The following SGIP1 variants were observed in gnomAD, a reference collection of about 807,000 sequenced individuals.
SGIP1 encodes SH3GL interacting endocytic adaptor 1.
In SGIP1, 38 loss-of-function variants were observed where a neutral mutation model predicts 107.5. The ratio of observed to expected loss-of-function variants is 0.35; its 90% CI spans 0.27 to 0.46. The LOEUF is 0.46. Among genes scored for constraint, SGIP1 ranks in the 20% least tolerant of loss-of-function variants. The pLI is 1.00. For synonymous variants in SGIP1, 365 were observed against 366.1 expected (o/e 1.00, Z 0.03); for missense variants, 929 against 1,019.5 (o/e 0.91, Z 1.21).
chr1:66,535,631 A>G (rs745470912), intron 1 of SGIP1, among the ~76,000 whole-genome samples: 16 of 152,200 alleles, frequency 1.1e-4, no homozygotes, highest in Non-Finnish European at 1.6e-4. Flanking sequence ...GCCTTAAAAG[A>G]GAGGTTGGGT....
intron 7 of SGIP1, among the ~76,000 whole-genome samples, chr1:66,653,505 C>T (rs1039766825): frequency 6.6e-6 from 1 of 152,136 alleles, no homozygotes; most frequent in African/African-American, 2.4e-5. Context: ...TTGCTCTCTT[C>T]CTGAAATGTA....
chr1:66,679,001 C>T (rs2086018315), intron 13 of SGIP1, among the ~76,000 whole-genome samples: 1 of 152,094 alleles, frequency 6.6e-6, no homozygotes, highest in African/African-American at 2.4e-5. Context: ...CAAACTTTGC[C>T]CACAAAGTGA....
intron 2 of SGIP1, among the ~76,000 whole-genome samples, chr1:66,630,652 C>G (rs1366890144): frequency 6.6e-6 from 1 of 150,504 alleles, no homozygotes; most frequent in Non-Finnish European, 1.5e-5. Flanking sequence ...ACTAAAAATA[C>G]AAAATTAGCT....
intron 2 of SGIP1, among the ~76,000 whole-genome samples, chr1:66,630,910 G>GAAGGAAA (rs2074364539): frequency 4.3e-5 from 2 of 46,244 alleles, no homozygotes; most frequent in African/African-American, 2.0e-4. Flanking sequence ...AAAGAAGGGA[G>GAAGGAAA]GGAGGGAGGG....
chr1:66,725,160 A>C (rs987958740), intron 19 of SGIP1, among the ~76,000 whole-genome samples: 45 of 152,176 alleles, frequency 3.0e-4, no homozygotes, highest in Non-Finnish European at 2.1e-4. Context: ...CAAAAATCCC[A>C]TTCAGAGCAC....
chr1:66,678,222 T>A (rs537087368), intron 13 of SGIP1, among the ~76,000 whole-genome samples: 1 of 152,222 alleles, frequency 6.6e-6, no homozygotes, highest in African/African-American at 2.4e-5. Context: ...AAGCTTTCTT[T>A]ACAGACCTGA....
At chr1:66,541,088 C>G (rs2054821625) in intron 1 of SGIP1, among the ~76,000 whole-genome samples, 1 of 152,220 alleles carries the variant, frequency 6.6e-6, no homozygotes, top group African/African-American at 2.4e-5. Context: ...GTTGTTTATT[C>G]TGCATCCACA....
At chr1:66,598,565 A>G (rs545751022) in intron 1 of SGIP1, among the ~76,000 whole-genome samples, 2 of 152,304 alleles carry the variant, frequency 1.3e-5, no homozygotes, top group African/African-American at 2.4e-5. Context: ...TGCAGGCTGT[A>G]CAGGAATCAT....
chr1:66,729,904 T>G (rs1394632257), intron 20 of SGIP1, among the ~76,000 whole-genome samples: 2 of 152,132 alleles, frequency 1.3e-5, no homozygotes, highest in African/African-American at 2.4e-5. Context: ...TGGGTTCAAG[T>G]GGTTCTCCTG....
At chr1:66,693,256 T>TAATAAATA (rs3077736) in intron 17 of SGIP1, among the ~76,000 whole-genome samples, 23,959 of 142,524 alleles carry the variant, frequency 0.17, 3,264 homozygotes, top group East Asian at 0.72. Context: ...TTTTTAAAAA[T>TAATAAATA]AATAAATAAA....
intron 7 of SGIP1, among the ~76,000 whole-genome samples, chr1:66,654,598 C>T (rs531348896): frequency 2.6e-5 from 4 of 152,120 alleles, no homozygotes; most frequent in African/African-American, 9.6e-5. Flanking sequence ...TTAGTGGCAG[C>T]AGTCTACAGC....
chr1:66,694,289 G>A lies in SGIP1; in HGVS notation c.1571-1145G>A, dbSNP rs61798710. 425 of 579,264 alleles carry A rather than the reference G, an allele frequency of 7.3e-4. 1 individual carries two copies. The highest frequency in any genetic ancestry group is 7.3e-3 in the African/African-American group (367 of 50,156). The allele number at this position is 579,264 out of a possible 1,614,324, so 35.9% of individuals were successfully genotyped here. On this transcript the variant is annotated intron_variant, in intron 17 of 24. Transcript: ENST00000371037. Reference sequence around the variant, plus strand: ...AAATAAGAAAACACTTCTTTATATCGTAATCATAATTCCAGTGTTTTCAGT... The same window carrying A: ...AAATAAGAAAACACTTCTTTATATCATAATCATAATTCCAGTGTTTTCAGT...
chr1:66,606,899 A>G (rs1488935682), intron 1 of SGIP1, among the ~76,000 whole-genome samples: 2 of 152,302 alleles, frequency 1.3e-5, no homozygotes, highest in African/African-American at 4.8e-5. Context: ...TTATGAGAGG[A>G]TTTATAGCTT....
At chr1:66,717,912 C>T (rs1036516297) in intron 18 of SGIP1, among the ~76,000 whole-genome samples, 1 of 152,166 alleles carries the variant, frequency 6.6e-6, no homozygotes, top group African/African-American at 2.4e-5. Context: ...AATGCTGCTG[C>T]TGATGGTAAC....
intron 1 of SGIP1, among the ~76,000 whole-genome samples, chr1:66,566,432 T>A (rs1263336972): frequency 6.6e-6 from 1 of 152,026 alleles, no homozygotes; most frequent in Non-Finnish European, 1.5e-5. Flanking sequence ...AAGAAAAGAA[T>A]GCACTTTTTC....
At chr1:66,589,124 C>A (rs1175160431) in intron 1 of SGIP1, among the ~76,000 whole-genome samples, 5 of 127,828 alleles carry the variant, frequency 3.9e-5, no homozygotes, top group African/African-American at 1.4e-4. Context: ...CACTTAGATT[C>A]CTAATACCTA....
chr1:66,564,413 T>G (rs1042876062), intron 1 of SGIP1, among the ~76,000 whole-genome samples: 3 of 151,930 alleles, frequency 2.0e-5, no homozygotes, highest in Middle Eastern at 3.2e-3. Flanking sequence ...AGGCAATATG[T>G]TACTGTATCC....
rs982766717 is a variant in SGIP1, at chr1:66,749,439, A to C, written c.*6344A>C. Among the ~76,000 whole-genome samples, 1 of 133,414 alleles carries C rather than the reference A, an allele frequency of 7.5e-6. No individual in the cohort carries two copies. Among genetic ancestry groups the C allele is most frequent in the Non-Finnish European group, 1.6e-5 (1 of 61,228 alleles). The allele number at this position is 133,414 out of a possible 152,430, so 87.5% of individuals were successfully genotyped here. A position where few individuals can be genotyped will look rare whatever the true frequency, so the allele number is the denominator to read the frequency against. On this transcript the variant is annotated 3_prime_UTR_variant, in exon 25 of 25. Transcript: ENST00000371037. Reference sequence around the variant, plus strand: ...TATACTCTTTTAATGAGCATTTCATAGGGTTTTTTTTTTGCTGTTTTTTTT... The same window carrying C: ...TATACTCTTTTAATGAGCATTTCATCGGGTTTTTTTTTTGCTGTTTTTTTT...
Position 66,572,211 on chromosome 1 carries a change from T to A in SGIP1, c.10+37843T>A, listed in dbSNP as rs555425133. ...CCATTTTTCTACCTTGCATTGTTTTTCTCCTATCCTATAAATCTCAGAGAT... is the reference window on the plus strand; with the variant it reads ...CCATTTTTCTACCTTGCATTGTTTTACTCCTATCCTATAAATCTCAGAGAT... On this transcript the variant is annotated intron_variant, in intron 1 of 24. Transcript: ENST00000371037. Among the ~76,000 whole-genome samples, 21 of 152,058 alleles carry A rather than the reference T, an allele frequency of 1.4e-4. No homozygotes were observed. In the South Asian group the frequency reaches 4.2e-3, roughly 30 times the overall value.
Sources: allele counts gnomAD v4.1 joint callset (sites outside exome capture counted in the v4.1 genomes callset), GRCh38; gene constraint gnomAD v4.1.1; transcripts MANE v1.5; gene names NCBI Gene and HGNC (gene_info 2026-07-23, HGNC 2026-07-21).